Variants in RASGEF1A observed in about 807,000 individuals in gnomAD.
The protein encoded by RASGEF1A is RasGEF domain family member 1A, also known as ras-GEF domain-containing family member 1A.
RASGEF1A carries 18 observed loss-of-function variants against 56.4 expected under a neutral mutation model. That is an observed-to-expected ratio of 0.32 (90% confidence interval 0.22 to 0.47). The LOEUF (loss-of-function observed/expected upper bound fraction) is 0.47, where lower values mean the gene tolerates loss of function less well. Among genes scored for constraint, RASGEF1A ranks in the 20% least tolerant of loss-of-function variants. The pLI is 1.00. For missense variants in RASGEF1A, 422 were observed against 627.1 expected, an observed-to-expected ratio of 0.67 and a Z score of 3.49; for synonymous variants, 245 against 242.6, an observed-to-expected ratio of 1.01 and a Z score of -0.09.
chr10:43,260,532 G>A (rs1836508866), intron 1 of RASGEF1A, among the ~76,000 whole-genome samples: 1 of 152,286 alleles, frequency 6.6e-6, no homozygotes, highest in Non-Finnish European at 1.5e-5. Context: ...GTGGAACCCT[G>A]GTCCCCACGG....
chr10:43,243,673 C>T (rs1564541341), intron 1 of RASGEF1A, among the ~76,000 whole-genome samples: 1 of 151,012 alleles, frequency 6.6e-6, no homozygotes, highest in Non-Finnish European at 1.5e-5. Flanking sequence ...CCCGGCCGCT[C>T]TTCGTCTGGG....
intron 1 of RASGEF1A, among the ~76,000 whole-genome samples, chr10:43,265,795 G>C (rs1189444609): frequency 6.6e-6 from 1 of 152,252 alleles, no homozygotes; most frequent in African/African-American, 2.4e-5. Context: ...GGACAGGCTG[G>C]GCTGGCAAGA....
intron 1 of RASGEF1A, among the ~76,000 whole-genome samples, chr10:43,246,584 C>T (rs1485985028): frequency 6.6e-6 from 1 of 152,126 alleles, no homozygotes; most frequent in East Asian, 1.9e-4. Context: ...TATAAATCAA[C>T]AGAATAAAGG....
intron 2 of RASGEF1A, 141 bp from the exon 3 acceptor site, chr10:43,203,561 C>A: frequency 7.3e-7 from 1 of 1,360,602 alleles, no homozygotes. Context: ...GCCCGGTTCC[C>A]TTCGCCTTGC....
At chr10:43,213,615 G>A (rs35259566) in intron 1 of RASGEF1A, among the ~76,000 whole-genome samples, 11,100 of 152,230 alleles carry the variant, frequency 0.073, 534 homozygotes, top group Admixed American at 0.13. Flanking sequence ...CTTCAAGGAC[G>A]TTGGAGAGTT....
chr10:43,196,160 G>A lies in RASGEF1A; in HGVS notation c.*84C>T. On this transcript the variant is annotated 3_prime_UTR_variant, in exon 13 of 13. Transcript: ENST00000395810. This position sits in a 1 kb window ranked among gnomAD's most constrained non-coding sequence, Gnocchi z 4.6. The stretch of plus-strand genomic sequence containing the variant: ...TACAAAATGGACCCCAACCAGTGAG[G>A]CCTCCTCATCTCAACCCACATCAGT... The A allele has an allele frequency of 7.7e-7, 1 of 1,291,216 alleles. No individual in the cohort carries two copies. The highest frequency in any genetic ancestry group is 1.1e-6 in the Non-Finnish European group (1 of 908,036). The allele number at this position is 1,291,216 out of a possible 1,614,324, so 80.0% of individuals were successfully genotyped here.
At position 43,196,382 on chromosome 10, in the gene RASGEF1A, G is replaced by A; in HGVS notation, c.1421+94C>T. On this transcript the variant is annotated intron_variant, in intron 12 of 12. Transcript: ENST00000395810. This position sits in a 1 kb window ranked among gnomAD's most constrained non-coding sequence, Gnocchi z 4.6. ...GGGACCCTGGACCAGGGACGCGGCAGTGCCCAGGCTCCCTTTCCAGGAGGG... is the reference window on the plus strand; with the variant it reads ...GGGACCCTGGACCAGGGACGCGGCAATGCCCAGGCTCCCTTTCCAGGAGGG... 6.4e-7 allele frequency: 1 copy of A among 1,551,950 alleles called. No homozygotes were observed. The highest frequency in any genetic ancestry group is 8.9e-7 in the Non-Finnish European group (1 of 1,124,618).
intron 1 of RASGEF1A, chr10:43,206,641 T>A: frequency 2.0e-6 from 2 of 988,872 alleles, no homozygotes; most frequent in Non-Finnish European, 2.4e-6. Flanking sequence ...GCTGCTTCAC[T>A]GAGGTGGGAG....
chr10:43,195,932 T>G lies in RASGEF1A; in HGVS notation c.*312A>C. 1 of 201,526 alleles carries G rather than the reference T, an allele frequency of 5.0e-6. No homozygotes were observed. The highest frequency in any genetic ancestry group is 9.9e-6 in the Non-Finnish European group (1 of 100,918). 12.5% of individuals were successfully genotyped at this position (201,526 alleles called of 1,614,324 possible). ...TTTTTAAAATATTTTTTTCATAAGA[T>G]GTTAATAATCAAAAGTAGAAAATAA... On this transcript the variant is annotated 3_prime_UTR_variant, in exon 13 of 13. Coordinates refer to ENST00000395810, the MANE Select transcript of RASGEF1A (RefSeq NM_145313.4). The surrounding 1 kb of genome is among the most constrained non-coding windows in gnomAD (Gnocchi z 4.2).
chr10:43,246,784 GA>G (rs1311471636), intron 1 of RASGEF1A, among the ~76,000 whole-genome samples: 1 of 152,174 alleles, frequency 6.6e-6, no homozygotes, highest in Non-Finnish European at 1.5e-5. Context: ...ATGGATCAAA[GA>G]CATAAATGCA....
rs765505444 is a variant in RASGEF1A at position 43,199,694 on chromosome 10, C to A, written c.831G>T (p.Val277=). 4 of 1,613,592 alleles carry A rather than the reference C, an allele frequency of 2.5e-6. No homozygotes were observed. In the East Asian group the frequency reaches 8.9e-5, roughly 36 times the overall value. ...CACTTACCCGGCACACCTCAGTGGCCACCAGCATGCTCAGGCAGTTGAACC... is the reference window on the plus strand; with the variant it reads ...CACTTACCCGGCACACCTCAGTGGCAACCAGCATGCTCAGGCAGTTGAACC... ...DNWFNCLSML[V]ATEVCRVVKK... The change falls in exon 7 of 13, where the codon GTG becomes GTT. Residue 277 remains valine (V), a synonymous_variant. Coordinates refer to ENST00000395810, the MANE Select transcript of RASGEF1A (RefSeq NM_145313.4).
chr10:43,217,617 G>A (rs1279125879), intron 1 of RASGEF1A, among the ~76,000 whole-genome samples: 1 of 152,246 alleles, frequency 6.6e-6, no homozygotes, highest in Non-Finnish European at 1.5e-5. Context: ...AGTGACACCT[G>A]CCTGGGAGAG....
In RASGEF1A at chr10:43,200,766, C is replaced by T. The variant is rs1264239389; in HGVS notation, c.582G>A (p.Gly194=). 6.2e-7 allele frequency: 1 copy of T among 1,613,930 alleles called. No individual in the cohort carries two copies. The highest frequency in any genetic ancestry group is 1.3e-5 in the African/African-American group (1 of 75,060). The change falls in exon 5 of 13, where the codon GGG becomes GGA. Residue 194 remains glycine, a synonymous_variant. Transcript: ENST00000395810. ...CTGGTGGCTTGGTCTTGAGGATGGG[C>T]CCCTTGTCTACAGCCGGTGGCCGGA... ...EKLRPPAVDK[G]PILKTKPPAA... is the part of the protein sequence containing the mutation.
chr10:43,266,217 T>C (rs1187945417), intron 1 of RASGEF1A, among the ~76,000 whole-genome samples: 2 of 152,058 alleles, frequency 1.3e-5, no homozygotes, highest in African/African-American at 4.8e-5. Context: ...CAGAACCAGC[T>C]GCACCTGCCC....
chr10:43,241,433 G>A (rs1840496766), intron 1 of RASGEF1A, among the ~76,000 whole-genome samples: 3 of 152,128 alleles, frequency 2.0e-5, no homozygotes. Flanking sequence ...CAAAGTTTTT[G>A]AATACTGTTG....
Position 43,200,680 on chromosome 10 carries a change from G to A in RASGEF1A, c.668C>T (p.Thr223Ile). 6.2e-7 allele frequency: 1 copy of A among 1,612,464 alleles called. No individual in the cohort carries two copies. The highest frequency in any genetic ancestry group is 8.5e-7 in the Non-Finnish European group (1 of 1,179,942). The change falls in exon 5 of 13, where the codon ACT (threonine) becomes ATT (isoleucine). Residue 223 changes from threonine (T) to isoleucine (I), a missense_variant. By Grantham distance (89) the Thr-to-Ile change is moderately conservative. Transcript: ENST00000395810. Reference sequence around the variant, plus strand: ...GGCAGCACTGACCAGCTCAATGTGAGTCAGCTGCTGGGCCAGCACCAGGGG... The same window carrying A: ...GGCAGCACTGACCAGCTCAATGTGAATCAGCTGCTGGGCCAGCACCAGGGG... ...CDPLVLAQQL[T>I]HIELDRVSSI... is the part of the protein sequence containing the mutation.
In RASGEF1A at chr10:43,208,763, C is replaced by G. The variant is rs1277693234; in HGVS notation, c.-6-2641G>C. The stretch of plus-strand genomic sequence containing the variant: ...CCATGAGCCCCTACCCCCGAAAGCT[C>G]AAACCTAGCAGGGCCCACCCTGCCC... On this transcript the variant is annotated intron_variant, in intron 1 of 12. Coordinates refer to ENST00000395810, the MANE Select transcript of RASGEF1A (RefSeq NM_145313.4). 4.1e-6 allele frequency: 4 copies of G among 985,510 alleles called. No homozygotes were observed. The Admixed American group carries it at 2.5e-4, about 61-fold the overall frequency. The allele number at this position is 985,510 out of a possible 1,614,324, so 61.0% of individuals were successfully genotyped here. A position where few individuals can be genotyped will look rare whatever the true frequency, so the allele number is the denominator to read the frequency against.
At position 43,199,831 on chromosome 10, in the gene RASGEF1A, A is replaced by G. The variant is rs575901432; in HGVS notation, c.757-63T>C. 115 of 1,367,740 alleles carry G rather than the reference A, an allele frequency of 8.4e-5. 4 individuals are homozygous for G. In the South Asian group the frequency reaches 1.3e-3, roughly 15 times the overall value. The allele number at this position is 1,367,740 out of a possible 1,614,324, so 84.7% of individuals were successfully genotyped here. A position where few individuals can be genotyped will look rare whatever the true frequency, so the allele number is the denominator to read the frequency against. The stretch of plus-strand genomic sequence containing the variant: ...ACCATGGCTGGACAACTTAGTCCCC[A>G]CAGCTGGCCCTGGTCCCCAGCTATG... On this transcript the variant is annotated intron_variant, in intron 6 of 12. Transcript: ENST00000395810.
At chr10:43,212,170 GAC>G (rs1840077718) in intron 1 of RASGEF1A, among the ~76,000 whole-genome samples, 1 of 152,214 alleles carries the variant, frequency 6.6e-6, no homozygotes, top group Non-Finnish European at 1.5e-5. Context: ...ACTGTTTTGA[GAC>G]ACAGAAGTTT....
Sources: allele counts gnomAD v4.1 joint callset (sites outside exome capture counted in the v4.1 genomes callset), GRCh38; gene constraint gnomAD v4.1.1; non-coding constraint Gnocchi (gnomAD v3.1); transcripts MANE v1.5; gene names NCBI Gene and HGNC (gene_info 2026-07-23, HGNC 2026-07-21).